The following PRKD3 variants were observed in gnomAD, a reference collection of about 807,000 sequenced individuals.
PRKD3 encodes protein kinase D3.
PRKD3 carries 47 observed loss-of-function variants against 99.2 expected under a neutral mutation model. That is an observed-to-expected ratio of 0.47 (90% CI 0.38 to 0.60). The LOEUF (loss-of-function observed/expected upper bound fraction) is 0.60. PRKD3 is among the 20% of genes least tolerant of loss of function. The pLI, the probability that PRKD3 is intolerant of heterozygous loss-of-function variation, is 0.00. For missense variants in PRKD3, 1,019 were observed against 1,088.4 expected, an observed-to-expected ratio of 0.94 and a Z score of 0.90; for synonymous variants, 392 against 355.4, an observed-to-expected ratio of 1.10 and a Z score of -1.16.
At chr2:37,253,468 G>A (rs1381233426) in intron 18 of PRKD3, 118 bp from the exon 19 acceptor site, 5 of 783,826 alleles carry the variant, frequency 6.4e-6, no homozygotes, top group South Asian at 4.2e-5. Flanking sequence ...ATTGACAGGC[G>A]CTACTCATAA....
chr2:37,308,436 T>C (rs985751342), intron 2 of PRKD3, among the ~76,000 whole-genome samples: 17 of 152,250 alleles, frequency 1.1e-4, no homozygotes, highest in African/African-American at 3.6e-4. Flanking sequence ...TGTCATATTT[T>C]TCTTTTGAGA....
chr2:37,290,584 T>C lies in PRKD3; in HGVS notation c.559+284A>G, dbSNP rs4629138. ...AACATGAATATTTATGGAGCCATTA[T>C]TTTGTACTAAATATTTAACCCTATT... On this transcript the variant is annotated intron_variant, in intron 4 of 18. Coordinates refer to ENST00000234179, the MANE Select transcript of PRKD3 (RefSeq NM_005813.6). 0.12 allele frequency among the ~76,000 whole-genome samples: 17,943 copies of C among 152,236 alleles called. 1,476 individuals are homozygous for C. Among genetic ancestry groups the C allele is most frequent in the East Asian group, 0.35 (1,822 of 5,178 alleles).
rs910687378 is a variant in PRKD3, at chr2:37,253,229, G to A, written c.2621C>T (p.Pro874Leu). Residue 874 changes from proline to leucine, a missense_variant, in exon 19 of 19, where the codon CCA (proline) becomes CTA (leucine). This residue lies in a region of PRKD3 where 125 missense variants were observed against 120.6 expected (regional missense o/e 1.04). Coordinates refer to ENST00000234179, the MANE Select transcript of PRKD3 (RefSeq NM_005813.6). ...ATTAGGAGCCATAATGAAGTGCTTT[G>A]GGTATACAAGGTTATGTGTGTATGC... ...IHAYTHNLVYPKHFIMAPNPD... is the reference protein window; with the variant it reads ...IHAYTHNLVYLKHFIMAPNPD... 2.5e-6 allele frequency: 4 copies of A among 1,612,354 alleles called. No homozygotes were observed. Among genetic ancestry groups the A allele is most frequent in the Non-Finnish European group, 2.5e-6 (3 of 1,178,780 alleles).
Position 37,290,994 on chromosome 2 carries a change from C to G in PRKD3, c.433G>C (p.Ala145Pro). Residue 145 changes from alanine (A) to proline (P), a missense_variant, in exon 4 of 19, where the codon GCC becomes CCC. Coordinates refer to ENST00000234179, the MANE Select transcript of PRKD3 (RefSeq NM_005813.6). ...DLVEVVLSAL[A>P]TVEDFQIRPH... ...CGAATCTGGAAGTCTTCTACTGTGGCTAAAGCTTTAAAAAAGAAAAGTATT... is the reference window on the plus strand; with the variant it reads ...CGAATCTGGAAGTCTTCTACTGTGGGTAAAGCTTTAAAAAAGAAAAGTATT... 1 of 1,600,402 alleles carries G rather than the reference C, an allele frequency of 6.2e-7. No individual in the cohort carries two copies. Among genetic ancestry groups the G allele is most frequent in the South Asian group, 1.1e-5 (1 of 88,286 alleles).
intron 7 of PRKD3, 36 bp from the exon 8 acceptor site, chr2:37,279,965 T>C: frequency 7.0e-7 from 1 of 1,425,640 alleles, no homozygotes; most frequent in Non-Finnish European, 9.6e-7. Context: ...GAGTTTTATA[T>C]TAATAGAGGA....
In PRKD3 at chr2:37,298,928, T is replaced by G. The variant is rs1472685240; in HGVS notation, c.289-5657A>C. ...GGATACCATCTATTTCTTTCTCTTG[T>G]CTAATTGCTCTACTTAAGACTTCCA... On this transcript the variant is annotated intron_variant, in intron 2 of 18. Transcript: ENST00000234179. Among the ~76,000 whole-genome samples the G allele has an allele frequency of 2.0e-5, 3 of 152,354 alleles. No homozygotes were observed. The East Asian group carries it at 5.8e-4, about 29-fold the overall frequency.
At position 37,251,668 on chromosome 2, in the gene PRKD3, C is replaced by T. The variant is rs1292936545; in HGVS notation, c.*1509G>A. The T allele has an allele frequency of 2.0e-5, 3 of 151,202 alleles. No individual in the cohort carries two copies. Among genetic ancestry groups the T allele is most frequent in the African/African-American group, 7.3e-5 (3 of 41,136 alleles). The allele number at this position is 151,202 out of a possible 1,614,324, so 9.4% of individuals were successfully genotyped here. ...GGTGGGCAACGATAGTTAACACTTT[C>T]CTAGTTTTTAGTTTATTTGACTGCA... On this transcript the variant is annotated 3_prime_UTR_variant, in exon 19 of 19. Transcript: ENST00000234179.
rs79580949 is a variant in PRKD3, at chr2:37,290,784, C to T, written c.559+84G>A. ...CTCGTTACCACCCTAGTCAACAGCT[C>T]GTCATCTTGCTTTTTCACTGATAAT... On this transcript the variant is annotated intron_variant, in intron 4 of 18. Coordinates refer to ENST00000234179, the MANE Select transcript of PRKD3 (RefSeq NM_005813.6). 3,204 of 1,413,310 alleles carry T rather than the reference C, an allele frequency of 2.3e-3. 58 individuals carry two copies. The African/African-American group carries it at 0.042, about 18-fold the overall frequency. The allele number at this position is 1,413,310 out of a possible 1,614,324, so 87.5% of individuals were successfully genotyped here. A position where few individuals can be genotyped will look rare whatever the true frequency, so the allele number is the denominator to read the frequency against.
At chr2:37,284,556 T>C (rs1368237422) in intron 6 of PRKD3, among the ~76,000 whole-genome samples, 1 of 152,222 alleles carries the variant, frequency 6.6e-6, no homozygotes, top group African/African-American at 2.4e-5. Flanking sequence ...CTGTTACTAA[T>C]GTTCTTTCCC....
chr2:37,319,990 A>C (rs1380961186), intron 1 of PRKD3, among the ~76,000 whole-genome samples: 3 of 152,222 alleles, frequency 2.0e-5, no homozygotes, highest in East Asian at 1.9e-4. Flanking sequence ...ATCTGTAACA[A>C]CACCTGGCTA....
Position 37,316,549 on chromosome 2 carries a change from T to C in PRKD3, c.-25A>G, listed in dbSNP as rs1412256854. 2.5e-6 allele frequency: 4 copies of C among 1,593,282 alleles called. No individual in the cohort carries two copies. Among genetic ancestry groups the C allele is most frequent in the East Asian group, 2.2e-5 (1 of 44,664 alleles). On this transcript the variant is annotated 5_prime_UTR_variant, in exon 2 of 19. Coordinates refer to ENST00000234179, the MANE Select transcript of PRKD3 (RefSeq NM_005813.6). ...TCTGCCTTTCTTTAATCTTTTAAAA[T>C]AGTTGTCGATTCTTTTTCAATGGTT...
chr2:37,299,068 T>C (rs1166551353), intron 2 of PRKD3, among the ~76,000 whole-genome samples: 2 of 152,202 alleles, frequency 1.3e-5, no homozygotes, highest in Non-Finnish European at 2.9e-5. Flanking sequence ...CTGTCATATA[T>C]GGCCCTTACT....
chr2:37,281,015 T>C (rs1669834984), intron 7 of PRKD3, among the ~76,000 whole-genome samples: 1 of 152,186 alleles, frequency 6.6e-6, no homozygotes, highest in Non-Finnish European at 1.5e-5. Flanking sequence ...ATGCTCAATA[T>C]TATTAGCCAC....
Position 37,302,876 on chromosome 2 carries a change from A to G in PRKD3, c.289-9605T>C, listed in dbSNP as rs1212743982. Reference sequence around the variant, plus strand: ...AGGCAGACAGGGGTGGGTCCTGGCGAAACCCCACCTTCAAGATGAAAAGCC... The same window carrying G: ...AGGCAGACAGGGGTGGGTCCTGGCGGAACCCCACCTTCAAGATGAAAAGCC... On this transcript the variant is annotated intron_variant, in intron 2 of 18. Transcript: ENST00000234179. Among the ~76,000 whole-genome samples the G allele has an allele frequency of 2.6e-5, 4 of 152,292 alleles. No individual in the cohort carries two copies. In the East Asian group the frequency reaches 7.7e-4, roughly 29 times the overall value.
At chr2:37,259,763 A>C in intron 15 of PRKD3, 82 bp from the exon 16 acceptor site, 1 of 953,350 alleles carries the variant, frequency 1.0e-6, no homozygotes. Context: ...ATTTAATTTG[A>C]AAACTCCACT....
At chr2:37,282,983 T>C (rs1669923260) in intron 6 of PRKD3, among the ~76,000 whole-genome samples, 1 of 152,228 alleles carries the variant, frequency 6.6e-6, no homozygotes. Flanking sequence ...CTAATGTATA[T>C]GCAGGAAAGA....
chr2:37,301,020 CTTT>C (rs67993541), intron 2 of PRKD3, among the ~76,000 whole-genome samples: 107,189 of 151,662 alleles, frequency 0.71, 38,511 homozygotes, highest in East Asian at 0.98. Flanking sequence ...ATTTGCATTT[CTTT>C]TTTTATTACA....
intron 2 of PRKD3, among the ~76,000 whole-genome samples, chr2:37,305,981 A>G (rs907266720): frequency 6.6e-6 from 1 of 152,186 alleles, no homozygotes; most frequent in Non-Finnish European, 1.5e-5. Flanking sequence ...CATCAGTGGC[A>G]GAATAGCAAC....
At chr2:37,306,198 C>T (rs1180576590) in intron 2 of PRKD3, among the ~76,000 whole-genome samples, 1 of 151,744 alleles carries the variant, frequency 6.6e-6, no homozygotes, top group Non-Finnish European at 1.5e-5. Context: ...TATCAGTTTT[C>T]TCCCTTGTAA....
Sources: allele counts gnomAD v4.1 joint callset (sites outside exome capture counted in the v4.1 genomes callset), GRCh38; gene constraint gnomAD v4.1.1; regional missense constraint gnomAD v4.1.1; transcripts MANE v1.5; gene names NCBI Gene and HGNC (gene_info 2026-07-23, HGNC 2026-07-21).